ITGB6: variants seen among roughly 807,000 people sequenced by gnomAD.
ITGB6 encodes the protein integrin subunit beta 6, also known as integrin beta-6.
ITGB6 carries 80 observed loss-of-function variants against 84.5 expected under a neutral mutation model. That is an observed-to-expected ratio of 0.95 (90% CI 0.79 to 1.14). The LOEUF (loss-of-function observed/expected upper bound fraction) is 1.14, where lower values mean the gene tolerates loss of function less well. ITGB6 is among the 50% of genes most tolerant of loss of function. ITGB6 has a pLI of 0.00. For missense variants in ITGB6, 1,006 were observed against 968.0 expected, an observed-to-expected ratio of 1.04 and a Z score of -0.52; for synonymous variants, 383 against 354.9, an observed-to-expected ratio of 1.08 and a Z score of -0.89.
rs759281888 is a variant in ITGB6 at position 160,195,578 on chromosome 2, A to G, written c.384T>C (p.Thr128=). The part of the protein sequence containing the change: ...AQTLQVHVRQ[T]EDYPVDLYYL... ...AATACAAATCCACCGGGTAGTCCTC[A>G]GTCTGGCGGACATGCACCTGCAGAG... Residue 128 remains threonine, a synonymous_variant, in exon 4 of 15, where the codon ACT becomes ACC. Transcript: ENST00000283249. 4 of 1,614,034 alleles carry G rather than the reference A, an allele frequency of 2.5e-6. No individual in the cohort carries two copies. The South Asian group carries it at 3.3e-5, about 13-fold the overall frequency.
rs563248077 is a variant in ITGB6 at position 160,174,408 on chromosome 2, C to T, written c.594-269G>A. 3.3e-5 allele frequency among the ~76,000 whole-genome samples: 5 copies of T among 152,200 alleles called. No individual in the cohort carries two copies. In the East Asian group the frequency reaches 9.7e-4, roughly 30 times the overall value. ...GATAACAGATAATCAGGTGATCAGACTCCAGTGTGTGTGTGTGTGTAATCA... is the reference window on the plus strand; with the variant it reads ...GATAACAGATAATCAGGTGATCAGATTCCAGTGTGTGTGTGTGTGTAATCA... On this transcript the variant is annotated intron_variant, in intron 4 of 14. Coordinates refer to ENST00000283249, the MANE Select transcript of ITGB6 (RefSeq NM_000888.5).
chr2:160,162,252 C>T (rs960202041), intron 7 of ITGB6, among the ~76,000 whole-genome samples: 1 of 151,872 alleles, frequency 6.6e-6, no homozygotes, highest in Non-Finnish European at 1.5e-5. Context: ...TAATAAAAAA[C>T]CCCAAATATA....
rs143336326 is a variant in ITGB6 at position 160,196,395 on chromosome 2, C to A, written c.167G>T (p.Gly56Val). The A allele has an allele frequency of 1.9e-6, 3 of 1,613,470 alleles. No homozygotes were observed. Among genetic ancestry groups the A allele is most frequent in the Non-Finnish European group, 2.5e-6 (3 of 1,179,784 alleles). ...QENFTHPSGV[G>V]ERCDTPANLL... is the part of the protein sequence containing the mutation. ...GTTTGCTGGGGTATCACACCTTTCG[C>A]CAACTCCAGATGGATGAGTAAAATT... The change falls in exon 3 of 15, where the codon GGC becomes GTC. Residue 56 changes from glycine to valine, a missense_variant. By Grantham distance (109) the Gly-to-Val change is moderately radical. Transcript: ENST00000283249.
Position 160,129,333 on chromosome 2 carries a change from G to T in ITGB6, c.1661-2732C>A, listed in dbSNP as rs1182398339. On this transcript the variant is annotated intron_variant, in intron 10 of 14. Transcript: ENST00000283249. ...CCATGCGCAAGACACTAACATAGGT[G>T]TTGGATGTTTCAAACAAATAACATT... 2.1e-5 allele frequency among the ~76,000 whole-genome samples: 3 copies of T among 145,108 alleles called. No homozygotes were observed. The East Asian group carries it at 6.1e-4, about 29-fold the overall frequency.
At chr2:160,148,569 G>T (rs1684283688) in intron 7 of ITGB6, among the ~76,000 whole-genome samples, 1 of 152,204 alleles carries the variant, frequency 6.6e-6, no homozygotes, top group Non-Finnish European at 1.5e-5. Flanking sequence ...TTTCAACTGA[G>T]GTACCTGCTT....
chr2:160,165,879 G>A (rs758558484), intron 7 of ITGB6, among the ~76,000 whole-genome samples: 1 of 152,208 alleles, frequency 6.6e-6, no homozygotes. Flanking sequence ...CAATGGTCAG[G>A]TGCCCCCACT....
At chr2:160,171,778 A>C (rs1047124736) in intron 6 of ITGB6, among the ~76,000 whole-genome samples, 1 of 152,248 alleles carries the variant, frequency 6.6e-6, no homozygotes, top group Admixed American at 6.5e-5. Context: ...AGAGATGCAC[A>C]AGAACACATC....
At position 160,108,354 on chromosome 2, in the gene ITGB6, C is replaced by G. The variant is rs534299066; in HGVS notation, c.2102-509G>C. On this transcript the variant is annotated intron_variant, in intron 13 of 14. Transcript: ENST00000283249. ...AAAACCTATCCCTTGGAAAAAATTA[C>G]TATTTCCTTCTTTCTTTATAGACAG... is the stretch of plus-strand genomic sequence containing the variant. Among the ~76,000 whole-genome samples the G allele has an allele frequency of 1.2e-4, 19 of 152,058 alleles. No individual in the cohort carries two copies. In the South Asian group the frequency reaches 3.9e-3, roughly 32 times the overall value.
At position 160,196,595 on chromosome 2, in the gene ITGB6, A is replaced by C. The variant is rs1371629965; in HGVS notation, c.142-175T>G. Reference sequence around the variant, plus strand: ...GTCTAAAGTTAAGTTATAGGTGAATAACCAGAGAATTCTGCCGGTAAAATT... The same window carrying C: ...GTCTAAAGTTAAGTTATAGGTGAATCACCAGAGAATTCTGCCGGTAAAATT... On this transcript the variant is annotated intron_variant, in intron 2 of 14. Transcript: ENST00000283249. Among the ~76,000 whole-genome samples the C allele has an allele frequency of 2.6e-5, 4 of 152,152 alleles. No individual in the cohort carries two copies. In the East Asian group the frequency reaches 5.8e-4, roughly 22 times the overall value.
chr2:160,146,240 T>TG (rs985672943), intron 7 of ITGB6, among the ~76,000 whole-genome samples: 23 of 152,152 alleles, frequency 1.5e-4, no homozygotes, highest in African/African-American at 5.6e-4. Flanking sequence ...CACATATTTA[T>TG]GGGGTACAGT....
At chr2:160,114,773 G>A (rs990971084) in intron 12 of ITGB6, among the ~76,000 whole-genome samples, 9 of 152,184 alleles carry the variant, frequency 5.9e-5, no homozygotes, top group African/African-American at 9.7e-5. Context: ...GGTGACAGAC[G>A]GCACCTGGAA....
intron 4 of ITGB6, among the ~76,000 whole-genome samples, chr2:160,185,174 G>C (rs1253151420): frequency 2.0e-5 from 3 of 152,148 alleles, no homozygotes; most frequent in Admixed American, 2.0e-4. Context: ...CAAATAGAAA[G>C]AGAGCAAGTC....
intron 12 of ITGB6, among the ~76,000 whole-genome samples, chr2:160,113,590 C>T (rs2105782248): frequency 6.6e-6 from 1 of 152,250 alleles, no homozygotes; most frequent in South Asian, 2.1e-4. Flanking sequence ...CTAGTCATTG[C>T]CAAATGATTA....
chr2:160,172,705 G>A lies in ITGB6; in HGVS notation c.785C>T (p.Ser262Phe). 1 of 1,599,824 alleles carries A rather than the reference G, an allele frequency of 6.3e-7. No individual in the cohort carries two copies. The highest frequency in any genetic ancestry group is 8.6e-7 in the Non-Finnish European group (1 of 1,168,022). Residue 262 changes from serine (S) to phenylalanine (F), a missense_variant, in exon 6 of 15, where the codon TCC becomes TTC. By Grantham distance (155) the Ser-to-Phe change is radical. Transcript: ENST00000283249. Reference sequence around the variant, plus strand: ...ACTCACAAAGACCAGGAGGTGGAGGGAGTCATTCCGCCAGCCAATTTTTTC... The same window carrying A: ...ACTCACAAAGACCAGGAGGTGGAGGAAGTCATTCCGCCAGCCAATTTTTTC... Reference protein sequence around the residue: ...CKEKIGWRNDSLHLLVFVSDA... With the variant: ...CKEKIGWRNDFLHLLVFVSDA...
chr2:160,114,911 C>T (rs562156088), intron 12 of ITGB6, among the ~76,000 whole-genome samples: 46 of 152,300 alleles, frequency 3.0e-4, no homozygotes, highest in African/African-American at 1.1e-3. Context: ...CTAGCACAGC[C>T]GCCTTGTACA....
intron 13 of ITGB6, 110 bp from the exon 14 acceptor site, chr2:160,107,955 T>C (rs1696976159): frequency 1.1e-6 from 1 of 906,998 alleles, no homozygotes; most frequent in Non-Finnish European, 1.6e-6. Flanking sequence ...AGGATAAATA[T>C]TGACACCATT....
intron 12 of ITGB6, among the ~76,000 whole-genome samples, chr2:160,117,667 A>T (rs1157013962): frequency 6.6e-6 from 1 of 152,192 alleles, no homozygotes. Context: ...CTAAAATCAG[A>T]GCAGAACTGA....
intron 7 of ITGB6, among the ~76,000 whole-genome samples, chr2:160,147,503 G>A (rs140839160): frequency 3.3e-5 from 5 of 152,274 alleles, no homozygotes; most frequent in East Asian, 1.9e-4. Context: ...CTATGGAAAG[G>A]CAAATGATCC....
intron 4 of ITGB6, among the ~76,000 whole-genome samples, chr2:160,187,216 A>T (rs1574139142): frequency 6.6e-6 from 1 of 152,234 alleles, no homozygotes; most frequent in Non-Finnish European, 1.5e-5. Context: ...TTGATATTGT[A>T]TCATGAAATC....
Sources: allele counts gnomAD v4.1 joint callset (sites outside exome capture counted in the v4.1 genomes callset), GRCh38; gene constraint gnomAD v4.1.1; transcripts MANE v1.5; gene names NCBI Gene and HGNC (gene_info 2026-07-23, HGNC 2026-07-21).